Variants in NFATC2 observed in about 807,000 individuals in gnomAD.
NFATC2 encodes the protein nuclear factor of activated T cells 2, also known as nuclear factor of activated T-cells, cytoplasmic 2.
Under a neutral mutation model 87.3 loss-of-function variants are expected in NFATC2, and 22 were observed. That is an observed-to-expected ratio of 0.25 (90% CI 0.18 to 0.36). NFATC2 has a LOEUF of 0.36. NFATC2 is among the 10% of genes least tolerant of loss of function. The probability of loss-of-function intolerance (pLI) is 1.00; values close to 1 mark genes in which losing one functional copy is unlikely to be tolerated. For missense variants in NFATC2, 1,149 were observed against 1,259.1 expected (o/e 0.91, Z 1.32); for synonymous variants, 565 against 542.2 (o/e 1.04, Z -0.58).
At chr20:51,509,318 C>G (rs61420120) in intron 3 of NFATC2, among the ~76,000 whole-genome samples, 5 of 152,024 alleles carry the variant, frequency 3.3e-5, no homozygotes, top group Admixed American at 6.5e-5. Flanking sequence ...GCTATCTCCC[C>G]CTAGCCAGCA....
chr20:51,547,507 C>G (rs1459968588), upstream of NFATC2, among the ~76,000 whole-genome samples: 1 of 152,180 alleles, frequency 6.6e-6, no homozygotes, highest in Non-Finnish European at 1.5e-5. Flanking sequence ...CCACCACCTA[C>G]AGCTCTGCCT....
At chr20:51,410,987 TGGTGATGGTGATAATGATA>T (rs1979138847) in intron 9 of NFATC2, among the ~76,000 whole-genome samples, 1 of 152,106 alleles carries the variant, frequency 6.6e-6, no homozygotes, top group Non-Finnish European at 1.5e-5. Context: ...TAGATGACAG[TGGTGATGGTGATAATGATA>T]GTGGTGGCAG....
At chr20:51,486,121 G>A (rs1353200241) in intron 3 of NFATC2, among the ~76,000 whole-genome samples, 1 of 152,014 alleles carries the variant, frequency 6.6e-6, no homozygotes, top group Non-Finnish European at 1.5e-5. Context: ...TGAGACATGA[G>A]AATCGCTTGA....
intron 2 of NFATC2, among the ~76,000 whole-genome samples, chr20:51,520,157 C>G (rs943877090): frequency 6.6e-6 from 1 of 152,212 alleles, no homozygotes; most frequent in Non-Finnish European, 1.5e-5. Flanking sequence ...TCTGATCAAC[C>G]TGCCTAATGG....
intron 1 of NFATC2, among the ~76,000 whole-genome samples, chr20:51,533,717 G>A (rs543802485): frequency 8.5e-5 from 13 of 152,376 alleles, no homozygotes; most frequent in South Asian, 2.1e-4. Flanking sequence ...AAGGCCAGGC[G>A]CCCAGGACAC....
intron 7 of NFATC2, 134 bp downstream of exon 7, chr20:51,435,572 A>G: frequency 1.0e-6 from 1 of 958,932 alleles, no homozygotes; most frequent in South Asian, 1.6e-5. Context: ...ACTCATTAAT[A>G]TGCACATATT....
intron 9 of NFATC2, among the ~76,000 whole-genome samples, chr20:51,426,117 AT>A (rs11476348): frequency 0.52 from 79,602 of 151,926 alleles, 22,927 homozygotes; most frequent in South Asian, 0.64. Flanking sequence ...AGAGTAGCCC[AT>A]TTTTTCTCCT....
chr20:51,519,305 C>T (rs16996066), intron 2 of NFATC2, among the ~76,000 whole-genome samples: 6,223 of 151,920 alleles, frequency 0.041, 156 homozygotes, highest in South Asian at 0.065. Flanking sequence ...TGTTTGGTTC[C>T]GAAGTAGGTA....
At chr20:51,454,786 C>T (rs1450915367) in intron 5 of NFATC2, 98 bp from the exon 6 acceptor site, 3 of 1,329,074 alleles carry the variant, frequency 2.3e-6, no homozygotes, top group Admixed American at 2.0e-5. Context: ...CATGCTCTGC[C>T]CACCTGTGTC....
rs975182170 is a variant in NFATC2 at position 51,435,066 on chromosome 20, A to G, written c.2032+122T>C. On this transcript the variant is annotated intron_variant, in intron 8 of 10. Coordinates refer to ENST00000371564, the MANE Select transcript of NFATC2 (RefSeq NM_012340.5). ...TGCTGTCTCACAGATGATGCAACTGAGGCTCAGAGAGGTTGAGTCATCTGT... is the reference window on the plus strand; with the variant it reads ...TGCTGTCTCACAGATGATGCAACTGGGGCTCAGAGAGGTTGAGTCATCTGT... The G allele has an allele frequency of 5.8e-6, 7 of 1,202,060 alleles. No homozygotes were observed. In the African/African-American group the frequency reaches 1.1e-4, roughly 18 times the overall value. 74.5% of individuals were successfully genotyped at this position (1,202,060 alleles called of 1,614,324 possible).
chr20:51,434,354 C>T (rs1008134022), intron 8 of NFATC2, among the ~76,000 whole-genome samples: 5 of 152,198 alleles, frequency 3.3e-5, no homozygotes, highest in Admixed American at 2.6e-4. Context: ...GTGATTGTCT[C>T]GAATTATAGG....
chr20:51,407,065 C>T (rs560723925), intron 9 of NFATC2, among the ~76,000 whole-genome samples: 77 of 152,336 alleles, frequency 5.1e-4, no homozygotes, highest in African/African-American at 1.6e-3. Context: ...AGCCTGCTCA[C>T]GCCCCAGGGC....
intron 6 of NFATC2, among the ~76,000 whole-genome samples, chr20:51,448,410 G>A (rs1457376374): frequency 6.6e-6 from 1 of 152,204 alleles, no homozygotes; most frequent in African/African-American, 2.4e-5. Context: ...GGGAGGCCAA[G>A]GCAGGCAGAT....
At chr20:51,547,601 C>G (rs6126251), upstream of NFATC2, among the ~76,000 whole-genome samples, 1 of 151,954 alleles carries the variant, frequency 6.6e-6, no homozygotes, top group East Asian at 1.9e-4. Flanking sequence ...TATCCAATGA[C>G]GACCCAACAT....
intron 6 of NFATC2, among the ~76,000 whole-genome samples, chr20:51,441,152 G>A (rs1055998947): frequency 2.0e-5 from 3 of 151,882 alleles, no homozygotes; most frequent in East Asian, 1.9e-4. Flanking sequence ...GCATGGTGGC[G>A]GGCACTTGCA....
chr20:51,499,316 G>A (rs1370540823), intron 3 of NFATC2, among the ~76,000 whole-genome samples: 1 of 152,090 alleles, frequency 6.6e-6, no homozygotes, highest in Non-Finnish European at 1.5e-5. Context: ...GAGGGGAGGA[G>A]GTAAGAAATG....
chr20:51,437,266 T>C lies in NFATC2; in HGVS notation c.1850-1505A>G, dbSNP rs140567653. Reference sequence around the variant, plus strand: ...AACACTGGTTCTGAAGGATATTAAATAGTTTTATGAGAAGGGGGAAAAATC... The same window carrying C: ...AACACTGGTTCTGAAGGATATTAAACAGTTTTATGAGAAGGGGGAAAAATC... On this transcript the variant is annotated intron_variant, in intron 6 of 10. Transcript: ENST00000371564. 1.6e-4 allele frequency among the ~76,000 whole-genome samples: 24 copies of C among 152,350 alleles called. No homozygotes were observed. The East Asian group carries it at 4.6e-3, about 29-fold the overall frequency.
chr20:51,393,955 T>A (rs561643091), intron 10 of NFATC2, among the ~76,000 whole-genome samples: 1 of 152,094 alleles, frequency 6.6e-6, no homozygotes, highest in South Asian at 2.1e-4. Flanking sequence ...GTTTCCCTCT[T>A]CTTGGATGGA....
chr20:51,436,426 G>T (rs1983587555), intron 6 of NFATC2, among the ~76,000 whole-genome samples: 1 of 144,032 alleles, frequency 6.9e-6, no homozygotes, highest in Non-Finnish European at 1.5e-5. Flanking sequence ...GCATTATTAA[G>T]GGCTGGGCAT....
Sources: allele counts gnomAD v4.1 joint callset (sites outside exome capture counted in the v4.1 genomes callset), GRCh38; gene constraint gnomAD v4.1.1; transcripts MANE v1.5; gene names NCBI Gene and HGNC (gene_info 2026-07-23, HGNC 2026-07-21).